The following AK5 variants were observed in gnomAD, a reference collection of about 807,000 sequenced individuals.
AK5 encodes adenylate kinase 5.
In AK5, 27 loss-of-function variants were observed where a neutral mutation model predicts 69.5. The observed-to-expected ratio is 0.39, with a 90% CI of 0.29 to 0.54. The LOEUF is 0.54. Ranked by LOEUF, AK5 falls within the 20% of genes least tolerant of loss-of-function variation. The pLI is 0.71. For synonymous variants in AK5, 260 were observed against 244.4 expected, an observed-to-expected ratio of 1.06 and a Z score of -0.60; for missense variants, 531 against 700.4, an observed-to-expected ratio of 0.76 and a Z score of 2.73.
At chr1:77,317,836 TGA>T (rs1460952746) in intron 5 of AK5, among the ~76,000 whole-genome samples, 3 of 152,350 alleles carry the variant, frequency 2.0e-5, no homozygotes. Flanking sequence ...CCAGTCTCCC[TGA>T]GAGAATTACT....
intron 10 of AK5, among the ~76,000 whole-genome samples, chr1:77,495,424 G>A (rs1656253558): frequency 6.6e-6 from 1 of 152,148 alleles, no homozygotes; most frequent in South Asian, 2.1e-4. Flanking sequence ...TGAAAACAAA[G>A]GTCAAATACG....
chr1:77,452,501 A>G (rs2100659577), intron 8 of AK5, among the ~76,000 whole-genome samples: 1 of 152,360 alleles, frequency 6.6e-6, no homozygotes, highest in Non-Finnish European at 1.5e-5. Flanking sequence ...ATTGGATCCA[A>G]TTTAGTCCCA....
intron 13 of AK5, among the ~76,000 whole-genome samples, chr1:77,542,192 G>A (rs1659313826): frequency 6.6e-6 from 1 of 152,064 alleles, no homozygotes; most frequent in African/African-American, 2.4e-5. Flanking sequence ...ACGTGGTGGT[G>A]CGCATATGTA....
chr1:77,520,647 CT>C (rs1177660495), intron 11 of AK5, among the ~76,000 whole-genome samples: 1 of 152,254 alleles, frequency 6.6e-6, no homozygotes, highest in African/African-American at 2.4e-5. Context: ...CAGTGTTACA[CT>C]TTATCAGATG....
At chr1:77,522,091 A>T in intron 12 of AK5, 148 bp downstream of exon 12, 1 of 639,520 alleles carries the variant, frequency 1.6e-6, no homozygotes, top group Non-Finnish European at 2.6e-6. Context: ...ATTTAAAAAA[A>T]GGAGATTTAT....
chr1:77,491,048 G>A (rs74090618), intron 10 of AK5, among the ~76,000 whole-genome samples: 7,109 of 152,084 alleles, frequency 0.047, 346 homozygotes, highest in East Asian at 0.2. Context: ...TGGGACACAC[G>A]TGGCCTGGTG....
intron 8 of AK5, among the ~76,000 whole-genome samples, chr1:77,448,697 C>T (rs1395180421): frequency 6.6e-6 from 1 of 152,226 alleles, no homozygotes; most frequent in Admixed American, 6.5e-5. Context: ...ACATGCCCTT[C>T]ACTCACCACA....
rs1658107449 is a variant in AK5, at chr1:77,282,376, A to G, written c.60+3A>G. The G allele has an allele frequency of 3.9e-6, 6 of 1,548,762 alleles. No homozygotes were observed. Among genetic ancestry groups the G allele is most frequent in the Non-Finnish European group, 5.2e-6 (6 of 1,146,398 alleles). On this transcript the variant is annotated splice_donor_region_variant and intron_variant, in intron 1 of 13. Transcript: ENST00000354567. Reference sequence around the variant, plus strand: ...GGGAAATCCCTCAGCTTTTTGAGGTAGGGCTAGAGCTGGCCGACGGGCGGT... The same window carrying G: ...GGGAAATCCCTCAGCTTTTTGAGGTGGGGCTAGAGCTGGCCGACGGGCGGT...
chr1:77,508,977 G>A (rs61777066), intron 10 of AK5, among the ~76,000 whole-genome samples: 4,674 of 152,210 alleles, frequency 0.031, 66 homozygotes, highest in Middle Eastern at 0.079. Flanking sequence ...ATCTAACACA[G>A]GAAGCCACTC....
intron 2 of AK5, among the ~76,000 whole-genome samples, chr1:77,289,830 T>G (rs1192721509): frequency 8.5e-6 from 1 of 117,034 alleles, no homozygotes; most frequent in African/African-American, 3.4e-5. Flanking sequence ...GCCAGTGCAC[T>G]CCAGCCTGGG....
At position 77,287,011 on chromosome 1, in the gene AK5, A is replaced by G. The variant is rs765208716; in HGVS notation, c.131A>G (p.Lys44Arg). 2.5e-6 allele frequency: 4 copies of G among 1,608,396 alleles called. No homozygotes were observed. The highest frequency in any genetic ancestry group is 2.5e-6 in the Non-Finnish European group (3 of 1,176,852). ...GAATACTTGGAAAGTTGTTTACAAA[A>G]AGTAAAGGAACTGGGTGGCTGTGAC... The part of the protein sequence containing the change: ...PVEYLESCLQ[K>R]VKELGGCDKV... Residue 44 changes from lysine (K) to arginine (R), a missense_variant, in exon 2 of 14, where the codon AAA becomes AGA. Physicochemically the swap from Lys to Arg is conservative, Grantham distance 26. Coordinates refer to ENST00000354567, the MANE Select transcript of AK5 (RefSeq NM_174858.3).
At chr1:77,385,994 T>C (rs901540943) in intron 6 of AK5, among the ~76,000 whole-genome samples, 1 of 152,250 alleles carries the variant, frequency 6.6e-6, no homozygotes. Flanking sequence ...CTGCTATTTT[T>C]CATGAAGCCT....
intron 8 of AK5, among the ~76,000 whole-genome samples, chr1:77,453,954 C>A (rs1224118676): frequency 3.9e-5 from 6 of 152,118 alleles, no homozygotes; most frequent in African/African-American, 1.4e-4. Flanking sequence ...TACGGGGAGC[C>A]CCTTTTTCCT....
In AK5 at chr1:77,402,710, G is replaced by C. The variant is rs1242880099; in HGVS notation, c.892-8271G>C. Among the ~76,000 whole-genome samples the C allele has an allele frequency of 3.2e-3, 489 of 150,898 alleles. 3 individuals carry two copies. The highest frequency in any genetic ancestry group is 0.011 in the African/African-American group (449 of 41,336). On this transcript the variant is annotated intron_variant, in intron 6 of 13. Coordinates refer to ENST00000354567, the MANE Select transcript of AK5 (RefSeq NM_174858.3). Reference sequence around the variant, plus strand: ...CAGTCTATCATTGTTGGACATTTGGGTTGGTTCCAAGTCTTTGCTATTGTG... The same window carrying C: ...CAGTCTATCATTGTTGGACATTTGGCTTGGTTCCAAGTCTTTGCTATTGTG...
rs34235538 is a variant in AK5 at position 77,372,772 on chromosome 1, C to CGTGTGTGTGTGTGT, written c.891+32211_891+32224dup. Reference sequence around the variant, plus strand: ...TCTAAATAAAATGTGTGTGTGTGTGCGTGTGTGTGTGTGTGTGTGTACATG... The same window carrying CGTGTGTGTGTGTGT: ...TCTAAATAAAATGTGTGTGTGTGTGCGTGTGTGTGTGTGTGTGTGTGTGTGTGTGTGTGTACATG... On this transcript the variant is annotated intron_variant, in intron 6 of 13. Coordinates refer to ENST00000354567, the MANE Select transcript of AK5 (RefSeq NM_174858.3). 5.3e-5 allele frequency among the ~76,000 whole-genome samples: 8 copies of CGTGTGTGTGTGTGT among 149,622 alleles called. No individual in the cohort carries two copies. The East Asian group carries it at 1.2e-3, about 22-fold the overall frequency.
intron 8 of AK5, among the ~76,000 whole-genome samples, chr1:77,477,305 G>C (rs1046329548): frequency 6.6e-6 from 1 of 152,168 alleles, no homozygotes; most frequent in African/African-American, 2.4e-5. Flanking sequence ...TGGGATTATA[G>C]ACATGAGCCA....
At chr1:77,541,296 C>G (rs1261741202) in intron 13 of AK5, among the ~76,000 whole-genome samples, 1 of 152,160 alleles carries the variant, frequency 6.6e-6, no homozygotes, top group Non-Finnish European at 1.5e-5. Flanking sequence ...TGGTGGAACA[C>G]ATCTGTGGTC....
At chr1:77,378,755 G>A (rs1476293645) in intron 6 of AK5, among the ~76,000 whole-genome samples, 1 of 152,214 alleles carries the variant, frequency 6.6e-6, no homozygotes, top group African/African-American at 2.4e-5. Flanking sequence ...CTCCAGGGAA[G>A]ATAAAGGAGC....
chr1:77,322,901 G>A (rs1283340145), intron 5 of AK5, among the ~76,000 whole-genome samples: 1 of 152,094 alleles, frequency 6.6e-6, no homozygotes, highest in Non-Finnish European at 1.5e-5. Flanking sequence ...GCCCTATTTT[G>A]TAAGAGAGAA....
Sources: allele counts gnomAD v4.1 joint callset (sites outside exome capture counted in the v4.1 genomes callset), GRCh38; gene constraint gnomAD v4.1.1; transcripts MANE v1.5; gene names NCBI Gene and HGNC (gene_info 2026-07-23, HGNC 2026-07-21).